The following NIN variants were observed in gnomAD, a reference collection of about 807,000 sequenced individuals.
The protein encoded by NIN is glycogen synthase kinase 3 beta-interacting protein.
A neutral mutation model predicts 257.6 loss-of-function variants in NIN; 137 were observed. The observed-to-expected ratio is 0.53, with a 90% confidence interval of 0.46 to 0.61. NIN has a LOEUF of 0.61. Among genes scored for constraint, NIN ranks in the 20% least tolerant of loss-of-function variants. NIN has a pLI of 0.00. For missense variants in NIN, 2,439 were observed against 2,501.2 expected (o/e 0.98, Z 0.53); for synonymous variants, 918 against 919.8 (o/e 1.00, Z 0.04).
intron 28 of NIN, chr14:50,730,837 T>C: frequency 9.4e-7 from 1 of 1,064,030 alleles, no homozygotes; most frequent in Non-Finnish European, 1.2e-6. Context: ...ACTTATTAAC[T>C]GTTACAATCA....
intron 6 of NIN, among the ~76,000 whole-genome samples, chr14:50,777,811 C>T (rs939108265): frequency 2.6e-5 from 4 of 152,094 alleles, no homozygotes; most frequent in Non-Finnish European, 5.9e-5. Context: ...TATTAAAAGC[C>T]CTCACTTCTA....
At chr14:50,750,439 G>C (rs141443397) in intron 21 of NIN, among the ~76,000 whole-genome samples, 360 of 152,212 alleles carry the variant, frequency 2.4e-3, no homozygotes, top group African/African-American at 8.4e-3. Context: ...GAGAAATCTA[G>C]TTCTTATTGT....
chr14:50,727,644 A>C, intron 29 of NIN: 1 of 1,443,630 alleles, frequency 6.9e-7, no homozygotes. Context: ...GGGTGTGTGC[A>C]TCTGTCTGCC....
In NIN at chr14:50,722,920, T is replaced by C. The variant is rs1355711540; in HGVS notation, c.*543A>G. 1 of 214,756 alleles carries C rather than the reference T, an allele frequency of 4.7e-6. No individual in the cohort carries two copies. Among genetic ancestry groups the C allele is most frequent in the Non-Finnish European group, 9.4e-6 (1 of 106,502 alleles). The allele number at this position is 214,756 out of a possible 1,614,324, so 13.3% of individuals were successfully genotyped here. A position where few individuals can be genotyped will look rare whatever the true frequency, so the allele number is the denominator to read the frequency against. The stretch of plus-strand genomic sequence containing the variant: ...AGAATTCTACAGATTTGGGTTTGTC[T>C]GATGTCAGCGGTTAATAACCACTTA... On this transcript the variant is annotated 3_prime_UTR_variant, in exon 31 of 31. Transcript: ENST00000530997.
intron 28 of NIN, among the ~76,000 whole-genome samples, chr14:50,732,203 C>T (rs1424381850): frequency 1.3e-5 from 2 of 152,110 alleles, no homozygotes; most frequent in Admixed American, 1.3e-4. Context: ...AGACTACTTC[C>T]CCCAAGGGAG....
In NIN at chr14:50,744,629, T is replaced by A. The variant is rs1327011367; in HGVS notation, c.5065-264A>T. 2.0e-5 allele frequency among the ~76,000 whole-genome samples: 3 copies of A among 152,126 alleles called. No homozygotes were observed. In the East Asian group the frequency reaches 5.8e-4, roughly 29 times the overall value. Reference sequence around the variant, plus strand: ...TAAATAATGATCCTAGCTCTCCTTTTAAAAAACCAGTCAAGACTATAGAAT... The same window carrying A: ...TAAATAATGATCCTAGCTCTCCTTTAAAAAAACCAGTCAAGACTATAGAAT... On this transcript the variant is annotated intron_variant, in intron 22 of 30. Coordinates refer to ENST00000530997, the MANE Select transcript of NIN (RefSeq NM_020921.4).
intron 3 of NIN, among the ~76,000 whole-genome samples, chr14:50,808,652 C>T (rs916635055): frequency 4.6e-5 from 7 of 152,090 alleles, no homozygotes; most frequent in African/African-American, 9.7e-5. Flanking sequence ...TGTACTTGGC[C>T]CTGGTGACAC....
In NIN at chr14:50,760,019, T is replaced by A. The variant is rs2042213364; in HGVS notation, c.2237A>T (p.Gln746Leu). ...CTTCTCTTCTGTCCAGGCGCTACTC[T>A]GAAGGCCTTCCCTCTCCCGCTCAAA... ...ASFEREREGL[Q>L]SSAWTEEKVR... Residue 746 changes from glutamine (Q) to leucine (L), a missense_variant, in exon 17 of 31, where the codon CAG becomes CTG. Gln to Leu is a moderately radical substitution (Grantham distance 113). Coordinates refer to ENST00000530997, the MANE Select transcript of NIN (RefSeq NM_020921.4). The A allele has an allele frequency of 3.1e-6, 5 of 1,614,246 alleles. No homozygotes were observed. The highest frequency in any genetic ancestry group is 4.2e-6 in the Non-Finnish European group (5 of 1,180,044).
At chr14:50,829,749 C>G (rs191868504) in intron 2 of NIN, among the ~76,000 whole-genome samples, 47 of 152,276 alleles carry the variant, frequency 3.1e-4, no homozygotes, top group Non-Finnish European at 6.0e-4. Context: ...GCCTTCACCT[C>G]GGGTTGTCAG....
chr14:50,737,145 G>A (rs1037510456), intron 27 of NIN, among the ~76,000 whole-genome samples: 1 of 152,150 alleles, frequency 6.6e-6, no homozygotes, highest in African/African-American at 2.4e-5. Context: ...CGCAGGATTA[G>A]ATCATAAAGG....
chr14:50,828,998 C>T (rs2045583011), intron 2 of NIN, among the ~76,000 whole-genome samples: 1 of 152,172 alleles, frequency 6.6e-6, no homozygotes, highest in South Asian at 2.1e-4. Context: ...CTCTATTGCC[C>T]CCTGTGAAGC....
chr14:50,738,922 A>C (rs2140463948), intron 26 of NIN, among the ~76,000 whole-genome samples: 1 of 152,262 alleles, frequency 6.6e-6, no homozygotes, highest in South Asian at 2.1e-4. Flanking sequence ...GCTGTCTTTT[A>C]AAGGAGGCAC....
At chr14:50,812,540 A>T (rs2044682065) in intron 3 of NIN, among the ~76,000 whole-genome samples, 1 of 152,216 alleles carries the variant, frequency 6.6e-6, no homozygotes, top group Admixed American at 6.5e-5. Context: ...TAGATTCCAG[A>T]AAGTGGAAGG....
At chr14:50,821,098 T>C (rs1001660892) in intron 3 of NIN, among the ~76,000 whole-genome samples, 5 of 152,302 alleles carry the variant, frequency 3.3e-5, no homozygotes, top group African/African-American at 1.2e-4. Flanking sequence ...AGCAAGAGAC[T>C]TGACTCAAAG....
chr14:50,811,511 T>G (rs1199104046), intron 3 of NIN, among the ~76,000 whole-genome samples: 2 of 138,378 alleles, frequency 1.4e-5, no homozygotes, highest in African/African-American at 5.2e-5. Context: ...TTGTATATGA[T>G]AAAACTAAAA....
intron 28 of NIN, 26 bp from the exon 29 acceptor site, chr14:50,729,749 T>C: frequency 1.9e-6 from 3 of 1,544,046 alleles, no homozygotes; most frequent in Non-Finnish European, 8.7e-7. Context: ...AAAGCCCTGT[T>C]CAGCTGAGTC....
At chr14:50,801,683 G>C (rs1408925820) in intron 4 of NIN, among the ~76,000 whole-genome samples, 1 of 152,108 alleles carries the variant, frequency 6.6e-6, no homozygotes, top group East Asian at 1.9e-4. Flanking sequence ...CAATTGCTGA[G>C]TAAATGAAAA....
At chr14:50,753,394 C>A (rs2041882707) in intron 20 of NIN, among the ~76,000 whole-genome samples, 1 of 152,254 alleles carries the variant, frequency 6.6e-6, no homozygotes, top group Non-Finnish European at 1.5e-5. Flanking sequence ...GAGCGAAACT[C>A]CGTCTCAAAA....
rs201536399 is a variant in NIN, at chr14:50,752,502, T to G, written c.4950+16A>C. On this transcript the variant is annotated intron_variant, in intron 21 of 30. Transcript: ENST00000530997. ...GATTTCCTCAAAAAAAGCTGTCAGG[T>G]GGCTACAGGCCATACCTGCACTTTA... 6.3e-7 allele frequency: 1 copy of G among 1,577,940 alleles called. No individual in the cohort carries two copies. The highest frequency in any genetic ancestry group is 8.6e-7 in the Non-Finnish European group (1 of 1,159,052).
Sources: gnomAD v4.1 joint callset for allele counts (sites outside exome capture counted in the v4.1 genomes callset) on GRCh38, gnomAD v4.1.1 for gene constraint, MANE v1.5 for transcripts, NCBI Gene and HGNC (gene_info 2026-07-23, HGNC 2026-07-21) for gene names.